TMEM131: variants seen among roughly 807,000 people sequenced by gnomAD.
TMEM131 encodes the protein transmembrane protein 131.
Under a neutral mutation model 211.6 loss-of-function variants are expected in TMEM131, and 66 were observed. The observed-to-expected ratio is 0.31, with a 90% CI of 0.26 to 0.38. The LOEUF (loss-of-function observed/expected upper bound fraction) is 0.38. Ranked by LOEUF, TMEM131 falls within the 10% of genes least tolerant of loss-of-function variation. The probability of loss-of-function intolerance (pLI) is 1.00; values close to 1 mark genes in which losing one functional copy is unlikely to be tolerated. For missense variants in TMEM131, 2,036 were observed against 2,299.3 expected (o/e 0.89, Z 2.34); for synonymous variants, 844 against 841.3 (o/e 1.00, Z -0.06).
At chr2:97,946,842 T>C (rs1380801263) in intron 1 of TMEM131, among the ~76,000 whole-genome samples, 8 of 151,804 alleles carry the variant, frequency 5.3e-5, no homozygotes, top group Non-Finnish European at 1.0e-4. Context: ...TTTCAGCAAA[T>C]GTAATCCATT....
intron 39 of TMEM131, chr2:97,759,328 T>C: frequency 1.8e-6 from 1 of 546,678 alleles, no homozygotes; most frequent in Non-Finnish European, 3.3e-6. Context: ...TGGTGACCTC[T>C]AGTTCTGGAC....
chr2:97,957,034 T>C (rs1474664206), intron 1 of TMEM131, among the ~76,000 whole-genome samples: 2 of 151,280 alleles, frequency 1.3e-5, no homozygotes, highest in African/African-American at 2.4e-5. Context: ...GAGGCGGAGG[T>C]TGCAGTAAGC....
At chr2:97,761,888 A>G in intron 36 of TMEM131, 147 bp downstream of exon 36, 2 of 864,838 alleles carry the variant, frequency 2.3e-6, no homozygotes, top group Non-Finnish European at 3.3e-6. Context: ...GGTGGACCCC[A>G]GGTAAAAGGG....
At chr2:97,892,561 C>T (rs1675425431) in intron 3 of TMEM131, among the ~76,000 whole-genome samples, 1 of 152,134 alleles carries the variant, frequency 6.6e-6, no homozygotes, top group Non-Finnish European at 1.5e-5. Context: ...CAGGGTGTCA[C>T]TATGTTCCCC....
At chr2:97,830,156 A>G (rs1398283077) in intron 11 of TMEM131, among the ~76,000 whole-genome samples, 3 of 149,018 alleles carry the variant, frequency 2.0e-5, no homozygotes, top group African/African-American at 7.4e-5. Context: ...AAAAAAAAAA[A>G]CCAAACCCAA....
At chr2:97,818,481 G>GGGGGAAAAAAACAAAA in intron 12 of TMEM131, 132 bp downstream of exon 12, 2 of 292,102 alleles carry the variant, frequency 6.8e-6, no homozygotes, top group Non-Finnish European at 6.4e-6. Context: ...GGCGGGGGGG[G>GGGGGAAAAAAACAAAA]ATCAACCTAA....
At chr2:97,856,037 A>G (rs1673829679) in intron 5 of TMEM131, among the ~76,000 whole-genome samples, 1 of 152,176 alleles carries the variant, frequency 6.6e-6, no homozygotes, top group South Asian at 2.1e-4. Flanking sequence ...GTTTGTCCTA[A>G]TCTTCAGTTT....
chr2:97,916,652 AC>A (rs1676520099), intron 2 of TMEM131, among the ~76,000 whole-genome samples: 1 of 152,230 alleles, frequency 6.6e-6, no homozygotes. Context: ...AACTGAAAAA[AC>A]AAAAAGCACT....
At chr2:97,985,828 C>T (rs1171642852) in intron 1 of TMEM131, among the ~76,000 whole-genome samples, 1 of 151,768 alleles carries the variant, frequency 6.6e-6, no homozygotes, top group African/African-American at 2.4e-5. Context: ...GATTCTCTAC[C>T]TGATGCCAAC....
chr2:97,774,904 G>A (rs1679641742), intron 32 of TMEM131, among the ~76,000 whole-genome samples: 1 of 152,098 alleles, frequency 6.6e-6, no homozygotes. Context: ...GTAACGGTGA[G>A]GGAATGCAAA....
intron 1 of TMEM131, among the ~76,000 whole-genome samples, chr2:97,961,322 G>T (rs1217230827): frequency 6.6e-6 from 1 of 152,026 alleles, no homozygotes; most frequent in East Asian, 1.9e-4. Context: ...TTGTATACTT[G>T]TATACAATAT....
intron 3 of TMEM131, among the ~76,000 whole-genome samples, chr2:97,892,693 G>T (rs1038354464): frequency 6.6e-6 from 1 of 151,996 alleles, no homozygotes; most frequent in Non-Finnish European, 1.5e-5. Flanking sequence ...TGTGTTTTTG[G>T]TATTTTAAAG....
intron 1 of TMEM131, among the ~76,000 whole-genome samples, chr2:97,954,866 A>G (rs1039960156): frequency 6.6e-6 from 1 of 151,222 alleles, no homozygotes; most frequent in African/African-American, 2.4e-5. Flanking sequence ...AGAAATTCCC[A>G]GGCCAAAATG....
chr2:97,783,351 A>C (rs1680102557), intron 31 of TMEM131, among the ~76,000 whole-genome samples: 1 of 152,128 alleles, frequency 6.6e-6, no homozygotes. Context: ...AAAAGAAGGA[A>C]CCTTGGAGGA....
chr2:97,792,051 C>T (rs1680519472), intron 31 of TMEM131, among the ~76,000 whole-genome samples: 1 of 152,206 alleles, frequency 6.6e-6, no homozygotes, highest in Admixed American at 6.5e-5. Context: ...GGCAGATGAT[C>T]TCCATTTTAC....
chr2:97,890,204 A>C (rs1318635090), intron 3 of TMEM131, among the ~76,000 whole-genome samples: 1 of 152,212 alleles, frequency 6.6e-6, no homozygotes, highest in Non-Finnish European at 1.5e-5. Context: ...GAGTAGCATG[A>C]TCTGACACAT....
At chr2:97,813,107 AGAAAT>A (rs1294749025) in intron 15 of TMEM131, among the ~76,000 whole-genome samples, 1 of 152,242 alleles carries the variant, frequency 6.6e-6, no homozygotes, top group East Asian at 1.9e-4. Flanking sequence ...TTGAGTAATC[AGAAAT>A]GAAAACAGCC....
At chr2:97,811,919 T>G (rs1037060239) in intron 17 of TMEM131, among the ~76,000 whole-genome samples, 2 of 152,136 alleles carry the variant, frequency 1.3e-5, no homozygotes, top group African/African-American at 4.8e-5. Flanking sequence ...TTCTCTTGTT[T>G]AGCGCTCTCT....
At chr2:97,761,814 G>C (rs1678866900) in intron 36 of TMEM131, 1 of 506,940 alleles carries the variant, frequency 2.0e-6, no homozygotes, top group African/African-American at 2.0e-5. Flanking sequence ...CAGGTGGTAA[G>C]AATGAATGGA....
Sources: allele counts gnomAD v4.1 joint callset (sites outside exome capture counted in the v4.1 genomes callset), GRCh38; gene constraint gnomAD v4.1.1; transcripts MANE v1.5; gene names NCBI Gene and HGNC (gene_info 2026-07-23, HGNC 2026-07-21).